Variants in SGCZ observed in about 807,000 individuals in gnomAD.
SGCZ encodes sarcoglycan zeta.
A neutral mutation model predicts 41.3 loss-of-function variants in SGCZ; 40 were observed. The observed-to-expected ratio is 0.97, with a 90% CI of 0.75 to 1.26. The LOEUF (loss-of-function observed/expected upper bound fraction) is 1.26. Among genes scored for constraint, SGCZ ranks in the 50% most tolerant of loss-of-function variants. The pLI is 0.00. For missense variants in SGCZ, 552 were observed against 369.8 expected (o/e 1.49, Z -4.04); for synonymous variants, 206 against 137.5 (o/e 1.50, Z -3.49).
At chr8:14,702,832 G>C (rs570811021) in intron 1 of SGCZ, among the ~76,000 whole-genome samples, 1 of 64,024 alleles carries the variant, frequency 1.6e-5, no homozygotes, top group African/African-American at 4.3e-5. Flanking sequence ...TAGATAGATA[G>C]ATAGATAGAT....
In SGCZ at chr8:14,552,435, A is replaced by T. The variant is rs187967843; in HGVS notation, c.234+2297T>A. On this transcript the variant is annotated intron_variant, in intron 2 of 7. Transcript: ENST00000382080. ...CATTTTACTTCAGCTACATGCAAAT[A>T]GTTTTCGTGGGTGAAGGAAGGACAG... Among the ~76,000 whole-genome samples, 5 of 152,206 alleles carry T rather than the reference A, an allele frequency of 3.3e-5. No homozygotes were observed. In the East Asian group the frequency reaches 7.7e-4, roughly 24 times the overall value.
intron 2 of SGCZ, among the ~76,000 whole-genome samples, chr8:14,504,865 T>C (rs17119486): frequency 0.48 from 73,396 of 151,946 alleles, 18,021 homozygotes; most frequent in East Asian, 0.65. Flanking sequence ...ATATTTCACT[T>C]TCCTCTTTCT....
chr8:15,111,589 G>A (rs115196993), intron 1 of SGCZ, among the ~76,000 whole-genome samples: 57 of 152,242 alleles, frequency 3.7e-4, no homozygotes, highest in African/African-American at 1.2e-3. Flanking sequence ...CCTGTGGAAT[G>A]TCTCCTCACT....
intron 4 of SGCZ, among the ~76,000 whole-genome samples, chr8:14,214,773 A>G (rs79584420): frequency 0.036 from 5,552 of 152,220 alleles, 299 homozygotes; most frequent in East Asian, 0.21. Context: ...CGGACAAAAA[A>G]AAGGACATTA....
intron 1 of SGCZ, among the ~76,000 whole-genome samples, chr8:15,049,791 A>G (rs1469853060): frequency 1.3e-5 from 2 of 152,090 alleles, no homozygotes; most frequent in African/African-American, 4.8e-5. Flanking sequence ...ATTCCCCCAT[A>G]CTGTTCTCCT....
chr8:14,589,345 CAAA>C lies in SGCZ; in HGVS notation c.40-34422_40-34420del, dbSNP rs34816729. On this transcript the variant is annotated intron_variant, in intron 1 of 7. Transcript: ENST00000382080. Reference sequence around the variant, plus strand: ...TGGATGACAGAGTGAGACTCCATCTCAAAAAAAAAAAAAAAAATAGAAATTTTA... The same window carrying C: ...TGGATGACAGAGTGAGACTCCATCTCAAAAAAAAAAAAAATAGAAATTTTA... 3.5e-3 allele frequency among the ~76,000 whole-genome samples: 434 copies of C among 122,482 alleles called. 1 individual carries two copies. Among genetic ancestry groups the C allele is most frequent in the Non-Finnish European group, 5.3e-3 (299 of 56,684 alleles). 80.4% of individuals were successfully genotyped at this position (122,482 alleles called of 152,430 possible). A position where few individuals can be genotyped will look rare whatever the true frequency, so the allele number is the denominator to read the frequency against.
intron 2 of SGCZ, among the ~76,000 whole-genome samples, chr8:14,404,349 A>T (rs1799155451): frequency 6.6e-6 from 1 of 152,178 alleles, no homozygotes; most frequent in African/African-American, 2.4e-5. Flanking sequence ...ATGAAACACA[A>T]TTCTTAGTGT....
intron 1 of SGCZ, among the ~76,000 whole-genome samples, chr8:15,042,296 C>T (rs1804131296): frequency 6.6e-6 from 1 of 152,138 alleles, no homozygotes; most frequent in Non-Finnish European, 1.5e-5. Flanking sequence ...CCCTTTTGTG[C>T]TGATGCCTCT....
At chr8:14,100,148 G>A (rs2116975579) in intron 7 of SGCZ, among the ~76,000 whole-genome samples, 1 of 151,814 alleles carries the variant, frequency 6.6e-6, no homozygotes, top group South Asian at 2.1e-4. Flanking sequence ...TGTTTTAAGT[G>A]CTGTGCCTTT....
chr8:14,648,018 A>G (rs764629089), intron 1 of SGCZ, among the ~76,000 whole-genome samples: 1 of 152,002 alleles, frequency 6.6e-6, no homozygotes. Flanking sequence ...CTCATTTCCC[A>G]GAGGGAGGTA....
At chr8:14,799,163 CAAT>C (rs1801231923) in intron 1 of SGCZ, among the ~76,000 whole-genome samples, 1 of 151,752 alleles carries the variant, frequency 6.6e-6, no homozygotes, top group South Asian at 2.1e-4. Context: ...AAAGATATAA[CAAT>C]AAGACACTTA....
At chr8:14,813,636 T>G (rs951424937) in intron 1 of SGCZ, among the ~76,000 whole-genome samples, 1 of 152,146 alleles carries the variant, frequency 6.6e-6, no homozygotes, top group Non-Finnish European at 1.5e-5. Flanking sequence ...GTCACCATTA[T>G]GTCACCTATA....
At chr8:14,977,582 T>C (rs940257317) in intron 1 of SGCZ, among the ~76,000 whole-genome samples, 6 of 152,154 alleles carry the variant, frequency 3.9e-5, no homozygotes, top group African/African-American at 9.7e-5. Context: ...ACCTTAATCC[T>C]AGTAACATCA....
chr8:14,184,735 A>T (rs1804848807), intron 4 of SGCZ, among the ~76,000 whole-genome samples: 1 of 152,234 alleles, frequency 6.6e-6, no homozygotes, highest in South Asian at 2.1e-4. Context: ...GTGTTTAAGA[A>T]GAGAAGTACC....
chr8:14,190,481 A>C (rs905470096), intron 4 of SGCZ, among the ~76,000 whole-genome samples: 1 of 152,142 alleles, frequency 6.6e-6, no homozygotes, highest in African/African-American at 2.4e-5. Context: ...TCACAATTCA[A>C]TAGTGAATAC....
At chr8:15,220,209 T>C (rs1486209369) in intron 1 of SGCZ, among the ~76,000 whole-genome samples, 3 of 152,196 alleles carry the variant, frequency 2.0e-5, no homozygotes, top group Non-Finnish European at 2.9e-5. Context: ...AGGTCATTAA[T>C]AGATGTGGAA....
intron 2 of SGCZ, among the ~76,000 whole-genome samples, chr8:14,523,078 C>T (rs1415595268): frequency 6.6e-6 from 1 of 152,020 alleles, no homozygotes; most frequent in East Asian, 1.9e-4. Flanking sequence ...AACTTACCTC[C>T]CTGTATATCC....
At chr8:15,017,317 C>T (rs1023648181) in intron 1 of SGCZ, among the ~76,000 whole-genome samples, 1 of 152,130 alleles carries the variant, frequency 6.6e-6, no homozygotes, top group Non-Finnish European at 1.5e-5. Context: ...CAACAGAGGG[C>T]AGACACCTGT....
intron 1 of SGCZ, among the ~76,000 whole-genome samples, chr8:15,018,417 G>C (rs1803122063): frequency 6.6e-6 from 1 of 152,186 alleles, no homozygotes; most frequent in African/African-American, 2.4e-5. Context: ...AATATGTCTT[G>C]ATGAAAATGA....
Sources: allele counts gnomAD v4.1 joint callset (sites outside exome capture counted in the v4.1 genomes callset), GRCh38; gene constraint gnomAD v4.1.1; transcripts MANE v1.5; gene names NCBI Gene and HGNC (gene_info 2026-07-23, HGNC 2026-07-21).